MIPEP: variants seen among roughly 807,000 people sequenced by gnomAD.
MIPEP encodes the protein mitochondrial intermediate peptidase.
A neutral mutation model predicts 90.3 loss-of-function variants in MIPEP; 79 were observed. That is an observed-to-expected ratio of 0.87 (90% CI 0.73 to 1.05). The LOEUF is 1.05. Ranked by LOEUF, MIPEP falls within the 50% of genes least tolerant of loss-of-function variation. The pLI, the probability that MIPEP is intolerant of heterozygous loss-of-function variation, is 0.00. For missense variants in MIPEP, 940 were observed against 905.6 expected (o/e 1.04, Z -0.49); for synonymous variants, 334 against 315.8 (o/e 1.06, Z -0.61).
chr13:23,770,495 T>TC (rs1952636514), intron 16 of MIPEP, among the ~76,000 whole-genome samples: 1 of 152,148 alleles, frequency 6.6e-6, no homozygotes, highest in Non-Finnish European at 1.5e-5. Flanking sequence ...TTCACTGCTG[T>TC]CCCCCTGCCC....
intron 7 of MIPEP, among the ~76,000 whole-genome samples, chr13:23,864,612 T>C (rs1047115207): frequency 1.3e-5 from 2 of 151,874 alleles, no homozygotes; most frequent in African/African-American, 4.8e-5. Flanking sequence ...GGTGCATGCC[T>C]ATAGTCCCAG....
At chr13:23,884,816 A>C (rs73160640) in intron 2 of MIPEP, among the ~76,000 whole-genome samples, 1 of 152,244 alleles carries the variant, frequency 6.6e-6, no homozygotes, top group African/African-American at 2.4e-5. Flanking sequence ...GTACGTGCTC[A>C]ACATTGACTG....
intron 14 of MIPEP, among the ~76,000 whole-genome samples, chr13:23,834,137 G>A (rs952372528): frequency 6.6e-6 from 1 of 152,146 alleles, no homozygotes; most frequent in Non-Finnish European, 1.5e-5. Flanking sequence ...CGGGATGAGG[G>A]GAGAGGGGCC....
intron 1 of MIPEP, chr13:23,888,772 G>A: frequency 9.5e-7 from 1 of 1,050,006 alleles, no homozygotes; most frequent in Middle Eastern, 4.4e-4. Context: ...CAGGACTGTA[G>A]CGCTGGAGCT....
chr13:23,871,964 A>C (rs1870829172), intron 5 of MIPEP, among the ~76,000 whole-genome samples: 1 of 152,248 alleles, frequency 6.6e-6, no homozygotes, highest in Non-Finnish European at 1.5e-5. Flanking sequence ...TTATCTACTG[A>C]TAAAACCTCT....
chr13:23,736,295 C>T (rs74041366), intron 18 of MIPEP, among the ~76,000 whole-genome samples: 3,206 of 152,290 alleles, frequency 0.021, 121 homozygotes, highest in African/African-American at 0.073. Context: ...CATCAGGACA[C>T]ACATTGCAAA....
chr13:23,863,318 A>C (rs1035813056), intron 8 of MIPEP, among the ~76,000 whole-genome samples: 1 of 152,162 alleles, frequency 6.6e-6, no homozygotes, highest in African/African-American at 2.4e-5. Flanking sequence ...TGAGCAGGGG[A>C]GGGGCAGGGG....
At chr13:23,870,989 TCACAC>T (rs997823239) in intron 5 of MIPEP, among the ~76,000 whole-genome samples, 4 of 152,126 alleles carry the variant, frequency 2.6e-5, no homozygotes, top group African/African-American at 9.7e-5. Context: ...TGAGCTACGA[TCACAC>T]CACTGCAACC....
At chr13:23,742,723 T>C (rs1593127354) in intron 18 of MIPEP, among the ~76,000 whole-genome samples, 1 of 152,352 alleles carries the variant, frequency 6.6e-6, no homozygotes, top group East Asian at 1.9e-4. Context: ...ACAGCTTTTT[T>C]CTACTTTTTG....
chr13:23,769,734 A>T (rs1172473565), intron 16 of MIPEP, among the ~76,000 whole-genome samples: 1 of 152,186 alleles, frequency 6.6e-6, no homozygotes, highest in African/African-American at 2.4e-5. Context: ...GACAAATGGG[A>T]CAATTTGATG....
At chr13:23,759,720 A>G (rs1358332762) in intron 17 of MIPEP, among the ~76,000 whole-genome samples, 1 of 152,134 alleles carries the variant, frequency 6.6e-6, no homozygotes, top group Non-Finnish European at 1.5e-5. Context: ...TTTTGCCTCC[A>G]TTCTGTGGAA....
chr13:23,811,557 A>G (rs1372587651), intron 14 of MIPEP, among the ~76,000 whole-genome samples: 18 of 152,144 alleles, frequency 1.2e-4, no homozygotes, highest in Admixed American at 1.2e-3. Context: ...CACTTAAACA[A>G]TCACCTGCCA....
chr13:23,748,970 G>A (rs1407098874), intron 18 of MIPEP, among the ~76,000 whole-genome samples: 2 of 152,226 alleles, frequency 1.3e-5, no homozygotes, highest in Admixed American at 6.5e-5. Context: ...CAGAGGTAGT[G>A]TGCATTTACT....
intron 16 of MIPEP, among the ~76,000 whole-genome samples, chr13:23,772,260 G>T (rs1952660954): frequency 1.3e-5 from 2 of 152,028 alleles, no homozygotes; most frequent in Non-Finnish European, 2.9e-5. Flanking sequence ...CTCCCTGATT[G>T]TCTCATCTGA....
chr13:23,821,988 C>A (rs1306491261), intron 14 of MIPEP, among the ~76,000 whole-genome samples: 1 of 152,024 alleles, frequency 6.6e-6, no homozygotes, highest in Non-Finnish European at 1.5e-5. Flanking sequence ...CCAAGAGCCA[C>A]AAAAGAGGTG....
chr13:23,736,763 A>G (rs1201423018), intron 18 of MIPEP, among the ~76,000 whole-genome samples: 1 of 152,160 alleles, frequency 6.6e-6, no homozygotes, highest in African/African-American at 2.4e-5. Context: ...CACTCCCAGA[A>G]CCACGGTGGC....
At chr13:23,831,383 C>CGGGGGGGGGGGGG (rs1555237542) in intron 14 of MIPEP, among the ~76,000 whole-genome samples, 3 of 40,854 alleles carry the variant, frequency 7.3e-5, no homozygotes, top group African/African-American at 2.5e-4. Flanking sequence ...TTCCCCATGG[C>CGGGGGGGGGGGGG]GGGGGGGGGA....
Position 23,841,436 on chromosome 13 carries a change from T to C in MIPEP, c.1159A>G (p.Met387Val), listed in dbSNP as rs200164353. The C allele has an allele frequency of 2.5e-6, 4 of 1,614,134 alleles. No individual in the cohort carries two copies. Among genetic ancestry groups the C allele is most frequent in the East Asian group, 4.5e-5 (2 of 44,880 alleles). Residue 387 changes from methionine (M) to valine (V), a missense_variant, in exon 11 of 19, where the codon ATG (methionine) becomes GTG (valine). Coordinates refer to ENST00000382172, the MANE Select transcript of MIPEP (RefSeq NM_005932.4). ...YCPFFSLGACMEGLNILLNRL... is the reference protein window; with the variant it reads ...YCPFFSLGACVEGLNILLNRL... ...TTAAGCAAAATATTCAGGCCTTCCA[T>C]GCATGCTCCAAGAGAGAAAAACGGG...
chr13:23,764,029 C>G lies in MIPEP; in HGVS notation c.1849-3812G>C, dbSNP rs532584992. Among the ~76,000 whole-genome samples the G allele has an allele frequency of 3.3e-5, 5 of 152,322 alleles. No homozygotes were observed. The South Asian group carries it at 1.0e-3, about 32-fold the overall frequency. ...ATCTTAAGCGCTGGAATTATGATATCCTCTTCCTTTTAAATTGAAGTTTTC... is the reference window on the plus strand; with the variant it reads ...ATCTTAAGCGCTGGAATTATGATATGCTCTTCCTTTTAAATTGAAGTTTTC... On this transcript the variant is annotated intron_variant, in intron 16 of 18. Coordinates refer to ENST00000382172, the MANE Select transcript of MIPEP (RefSeq NM_005932.4).
Sources: allele counts gnomAD v4.1 joint callset (sites outside exome capture counted in the v4.1 genomes callset), GRCh38; gene constraint gnomAD v4.1.1; transcripts MANE v1.5; gene names NCBI Gene and HGNC (gene_info 2026-07-23, HGNC 2026-07-21).